The following ADCY3 variants were observed in gnomAD, a reference collection of about 807,000 sequenced individuals.
ADCY3 encodes adenylate cyclase 3.
ADCY3 carries 70 observed loss-of-function variants against 119.4 expected under a neutral mutation model. The observed-to-expected ratio is 0.59, with a 90% CI of 0.48 to 0.72. ADCY3 has a LOEUF of 0.72. Ranked by LOEUF, ADCY3 falls within the 30% of genes least tolerant of loss-of-function variation. The probability of loss-of-function intolerance (pLI) is 0.00; values close to 1 mark genes in which losing one functional copy is unlikely to be tolerated. For synonymous variants in ADCY3, 672 were observed against 621.4 expected (o/e 1.08, Z -1.21); for missense variants, 1,238 against 1,541.6 (o/e 0.80, Z 3.30).
Position 24,829,024 on chromosome 2 carries a change from T to TTC in ADCY3, c.2173-864_2173-863insGA, listed in dbSNP as rs200238987. Among the ~76,000 whole-genome samples the TTC allele has an allele frequency of 6.5e-5, 9 of 138,920 alleles. No individual in the cohort carries two copies. In the South Asian group the frequency reaches 1.4e-3, roughly 22 times the overall value. The allele number at this position is 138,920 out of a possible 152,430, so 91.1% of individuals were successfully genotyped here. On this transcript the variant is annotated intron_variant, in intron 13 of 21. Coordinates refer to ENST00000679454, the MANE Select transcript of ADCY3 (RefSeq NM_004036.5). The stretch of plus-strand genomic sequence containing the variant: ...CCAGTAGACTTATTCTTTTTTTTCT[T>TTC]TTTTTTTTTTGAGATGGAGTCTCGC...
At chr2:24,821,851 A>G (rs968244539) in intron 19 of ADCY3, 2 of 627,238 alleles carry the variant, frequency 3.2e-6, no homozygotes, top group South Asian at 2.1e-5. Flanking sequence ...AGACTGGGCA[A>G]TTGAGCAGAG....
intron 2 of ADCY3, among the ~76,000 whole-genome samples, chr2:24,894,352 G>A (rs2148952922): frequency 6.6e-6 from 1 of 152,216 alleles, no homozygotes; most frequent in Non-Finnish European, 1.5e-5. Flanking sequence ...TTATATGCCT[G>A]TAGTCCCAGC....
intron 2 of ADCY3, among the ~76,000 whole-genome samples, chr2:24,913,418 G>T: frequency 6.6e-6 from 1 of 152,224 alleles, no homozygotes; most frequent in Admixed American, 6.5e-5. Flanking sequence ...GCTTAGCAAA[G>T]ACATTTGGGG....
intron 3 of ADCY3, among the ~76,000 whole-genome samples, chr2:24,852,739 G>A (rs1672479856): frequency 6.6e-6 from 1 of 152,244 alleles, no homozygotes; most frequent in South Asian, 2.1e-4. Flanking sequence ...GACCCGAGCT[G>A]CCAACGCCCG....
intron 2 of ADCY3, among the ~76,000 whole-genome samples, chr2:24,886,852 G>A (rs2148908651): frequency 1.3e-5 from 2 of 152,358 alleles, no homozygotes; most frequent in Middle Eastern, 6.8e-3. Flanking sequence ...GAGGTTAGCT[G>A]CTGCACAAGG....
At chr2:24,893,349 C>A (rs1307655132) in intron 2 of ADCY3, among the ~76,000 whole-genome samples, 1 of 150,734 alleles carries the variant, frequency 6.6e-6, no homozygotes, top group East Asian at 1.9e-4. Context: ...CCAGCCTGGG[C>A]AGCAGAGCGA....
chr2:24,864,200 G>C (rs1397218492), intron 3 of ADCY3, among the ~76,000 whole-genome samples: 1 of 152,168 alleles, frequency 6.6e-6, no homozygotes, highest in African/African-American at 2.4e-5. Flanking sequence ...TGAAGCAGGA[G>C]AATAGCTTGA....
intron 19 of ADCY3, 136 bp from the exon 20 acceptor site, chr2:24,821,776 G>C: frequency 7.4e-7 from 1 of 1,345,422 alleles, no homozygotes; most frequent in African/African-American, 1.5e-5. Context: ...CTCCCACAAA[G>C]GAGTCGCAGC....
chr2:24,873,563 C>T (rs1675288122), intron 2 of ADCY3, among the ~76,000 whole-genome samples: 1 of 152,228 alleles, frequency 6.6e-6, no homozygotes, highest in African/African-American at 2.4e-5. Flanking sequence ...TGATGGTCTC[C>T]TGCTGGGGTA....
chr2:24,820,527 T>C, intron 21 of ADCY3, 197 bp downstream of exon 21: 1 of 1,404,192 alleles, frequency 7.1e-7, no homozygotes. Flanking sequence ...CAGCCCAGAT[T>C]TTGTGGATGG....
intron 12 of ADCY3, among the ~76,000 whole-genome samples, chr2:24,831,242 A>AAAC (rs1553336470): frequency 1.3e-5 from 2 of 151,418 alleles, no homozygotes; most frequent in Non-Finnish European, 2.9e-5. Context: ...AAAAAAAAAA[A>AAAC]AACTCTGCTT....
rs543806466 is a variant in ADCY3, at chr2:24,873,015, C to G, written c.676-296G>C. Among the ~76,000 whole-genome samples the G allele has an allele frequency of 5.9e-5, 9 of 152,358 alleles. No individual in the cohort carries two copies. In the South Asian group the frequency reaches 1.7e-3, roughly 28 times the overall value. ...CCTGGCTGAGGGGCTGTGGATCCCC[C>G]CTCCGGCTTCCCAACAAAGCAAGGC... On this transcript the variant is annotated intron_variant, in intron 2 of 21. Coordinates refer to ENST00000679454, the MANE Select transcript of ADCY3 (RefSeq NM_004036.5).
At chr2:24,866,835 C>G (rs1674372628) in intron 3 of ADCY3, among the ~76,000 whole-genome samples, 1 of 151,808 alleles carries the variant, frequency 6.6e-6, no homozygotes, top group Non-Finnish European at 1.5e-5. Flanking sequence ...ATCTGACAAA[C>G]CAGAGGAAGA....
At chr2:24,823,864 G>C (rs555588114) in intron 17 of ADCY3, among the ~76,000 whole-genome samples, 6 of 152,014 alleles carry the variant, frequency 3.9e-5, no homozygotes, top group Non-Finnish European at 7.4e-5. Flanking sequence ...GTTAATTTTT[G>C]TATTTTTTAG....
intron 2 of ADCY3, among the ~76,000 whole-genome samples, chr2:24,901,464 A>C (rs749379961): frequency 9.2e-5 from 14 of 152,224 alleles, no homozygotes; most frequent in Non-Finnish European, 1.8e-4. Flanking sequence ...CATTTTTGAC[A>C]AATATAAGTA....
At chr2:24,907,858 G>C (rs1003962126) in intron 2 of ADCY3, among the ~76,000 whole-genome samples, 2 of 151,636 alleles carry the variant, frequency 1.3e-5, no homozygotes, top group Non-Finnish European at 2.9e-5. Flanking sequence ...GCCGGGTGTG[G>C]TGGTGAGCTC....
Position 24,838,467 on chromosome 2 carries a change from G to A in ADCY3, c.1511C>T (p.Thr504Ile), listed in dbSNP as rs754205187. Residue 504 changes from threonine to isoleucine, a missense_variant, in exon 8 of 22, where the codon ACC (threonine) becomes ATC (isoleucine). Thr to Ile is a moderately conservative substitution (Grantham distance 89). Transcript: ENST00000679454. ...ASKPEVKKTA[T>I]QNGLNGSALP... is the part of the protein sequence containing the mutation. Reference sequence around the variant, plus strand: ...CACCGAGCCATTGAGGCCATTCTGGGTGGCTGTTTTCTTCACCTCTGGCTT... The same window carrying A: ...CACCGAGCCATTGAGGCCATTCTGGATGGCTGTTTTCTTCACCTCTGGCTT... 6 of 1,613,412 alleles carry A rather than the reference G, an allele frequency of 3.7e-6. No homozygotes were observed. Among genetic ancestry groups the A allele is most frequent in the South Asian group, 1.1e-5 (1 of 91,034 alleles).
intron 2 of ADCY3, among the ~76,000 whole-genome samples, chr2:24,912,934 C>A (rs1383723138): frequency 6.6e-6 from 1 of 152,190 alleles, no homozygotes; most frequent in Admixed American, 6.5e-5. Context: ...TTTACATGTT[C>A]AATGACTGAT....
intron 11 of ADCY3, among the ~76,000 whole-genome samples, chr2:24,833,580 T>G (rs1352148646): frequency 2.0e-5 from 3 of 152,226 alleles, no homozygotes; most frequent in Admixed American, 6.5e-5. Flanking sequence ...ATATTTTAAT[T>G]GTTTAATTGC....
Sources: allele counts gnomAD v4.1 joint callset (sites outside exome capture counted in the v4.1 genomes callset), GRCh38; gene constraint gnomAD v4.1.1; transcripts MANE v1.5; gene names NCBI Gene and HGNC (gene_info 2026-07-23, HGNC 2026-07-21).